The following C8orf34 variants were observed in gnomAD, a reference collection of about 807,000 sequenced individuals.
C8orf34 encodes the protein uncharacterized protein C8orf34.
In C8orf34, 65 loss-of-function variants were observed where a neutral mutation model predicts 68.3. The observed-to-expected ratio is 0.95, with a 90% CI of 0.78 to 1.17. The LOEUF is 1.17. Ranked by LOEUF, C8orf34 falls within the 50% of genes most tolerant of loss-of-function variation. The pLI is 0.00. For missense variants in C8orf34, 664 were observed against 655.4 expected (o/e 1.01, Z -0.14); for synonymous variants, 244 against 241.2 (o/e 1.01, Z -0.11).
intron 7 of C8orf34, among the ~76,000 whole-genome samples, chr8:68,538,357 T>C (rs947912641): frequency 2.0e-5 from 3 of 151,996 alleles, no homozygotes; most frequent in Non-Finnish European, 4.4e-5. Flanking sequence ...GCTAATATTG[T>C]CCCCTCAGGT....
At chr8:68,346,340 A>T (rs957723831) in intron 1 of C8orf34, among the ~76,000 whole-genome samples, 1 of 151,574 alleles carries the variant, frequency 6.6e-6, no homozygotes, top group Non-Finnish European at 1.5e-5. Context: ...GAAGCTACAG[A>T]AGTGTCTCAT....
chr8:68,464,444 A>T (rs1563460794), intron 3 of C8orf34, among the ~76,000 whole-genome samples: 1 of 151,748 alleles, frequency 6.6e-6, no homozygotes, highest in Non-Finnish European at 1.5e-5. Context: ...AATTGGAAAA[A>T]ACTACTTTAA....
At chr8:68,541,198 C>T (rs1039043555) in intron 7 of C8orf34, among the ~76,000 whole-genome samples, 2 of 152,094 alleles carry the variant, frequency 1.3e-5, no homozygotes, top group Non-Finnish European at 2.9e-5. Context: ...CATGCTGGCT[C>T]ACACCTGTAA....
chr8:68,496,797 C>A (rs1336927688), intron 5 of C8orf34, among the ~76,000 whole-genome samples: 4 of 152,158 alleles, frequency 2.6e-5, no homozygotes, highest in African/African-American at 7.2e-5. Flanking sequence ...CTATAACAAG[C>A]AGAGCATACT....
chr8:68,791,389 AC>A (rs1251846322), intron 12 of C8orf34: 1 of 155,890 alleles, frequency 6.4e-6, no homozygotes, highest in African/African-American at 2.4e-5. Context: ...CTCTTCTGAC[AC>A]ATGGGGATTA....
intron 7 of C8orf34, among the ~76,000 whole-genome samples, chr8:68,588,159 G>A (rs751830607): frequency 1.3e-5 from 2 of 152,006 alleles, no homozygotes; most frequent in Non-Finnish European, 2.9e-5. Context: ...AATTTTGAGC[G>A]CATTTAAGGG....
chr8:68,577,872 GA>G (rs1244635128), intron 7 of C8orf34, among the ~76,000 whole-genome samples: 2 of 151,194 alleles, frequency 1.3e-5, no homozygotes, highest in African/African-American at 4.9e-5. Context: ...GAAATTTAAA[GA>G]AAATATTTAG....
chr8:68,574,169 T>C lies in C8orf34; in HGVS notation c.1105+41020T>C, dbSNP rs548465590. 1.1e-4 allele frequency among the ~76,000 whole-genome samples: 16 copies of C among 152,236 alleles called. 1 individual carries two copies. Among genetic ancestry groups the C allele is most frequent in the African/African-American group, 3.8e-4 (16 of 41,566 alleles). On this transcript the variant is annotated intron_variant, in intron 7 of 13. Transcript: ENST00000518698. Reference sequence around the variant, plus strand: ...TTTTGACTCAATTTTTTAATAATATTAGCTGCTATTTCAACATCTGTATAC... The same window carrying C: ...TTTTGACTCAATTTTTTAATAATATCAGCTGCTATTTCAACATCTGTATAC...
chr8:68,679,445 G>A (rs965059744), intron 8 of C8orf34, among the ~76,000 whole-genome samples: 2 of 151,920 alleles, frequency 1.3e-5, no homozygotes, highest in Non-Finnish European at 2.9e-5. Flanking sequence ...AAATGGAAAG[G>A]TATTCCATAT....
At chr8:68,389,650 T>C (rs897470769) in intron 1 of C8orf34, among the ~76,000 whole-genome samples, 5 of 152,136 alleles carry the variant, frequency 3.3e-5, no homozygotes, top group Admixed American at 1.3e-4. Context: ...AAATTGTTGC[T>C]TAGGAACTCA....
chr8:68,632,609 A>T (rs1455148805), intron 7 of C8orf34, among the ~76,000 whole-genome samples: 2 of 152,162 alleles, frequency 1.3e-5, no homozygotes, highest in Non-Finnish European at 2.9e-5. Context: ...AGATCTTCAC[A>T]GCAGCCCCTC....
intron 11 of C8orf34, among the ~76,000 whole-genome samples, chr8:68,781,441 G>C (rs570601736): frequency 2.0e-4 from 31 of 152,248 alleles, no homozygotes; most frequent in Non-Finnish European, 4.0e-4. Context: ...GAATGAATAG[G>C]ATTTCTTCTA....
intron 5 of C8orf34, among the ~76,000 whole-genome samples, chr8:68,520,607 C>T (rs1325281473): frequency 2.7e-5 from 4 of 148,868 alleles, no homozygotes; most frequent in Admixed American, 6.6e-5. Context: ...CCCGCCATCA[C>T]GCCCGGCTAA....
intron 5 of C8orf34, among the ~76,000 whole-genome samples, chr8:68,507,661 A>G (rs1304151868): frequency 6.6e-6 from 1 of 152,158 alleles, no homozygotes; most frequent in Non-Finnish European, 1.5e-5. Context: ...ATTGGAAAAT[A>G]TGCCTTTGAG....
In C8orf34 at chr8:68,770,321, A is replaced by G. The variant is rs188288038; in HGVS notation, c.1405-6078A>G. On this transcript the variant is annotated intron_variant, in intron 10 of 13. Transcript: ENST00000518698. ...ATTTGCTGTGTTAACACATTAAAGC[A>G]TTTTAGAAAGAATGAATGAATACTA... Among the ~76,000 whole-genome samples, 697 of 152,370 alleles carry G rather than the reference A, an allele frequency of 4.6e-3. 5 individuals are homozygous for G. Among genetic ancestry groups the G allele is most frequent in the Non-Finnish European group, 7.0e-3 (476 of 68,038 alleles).
intron 4 of C8orf34, among the ~76,000 whole-genome samples, chr8:68,469,329 T>A (rs1427808045): frequency 3.9e-5 from 6 of 152,016 alleles, no homozygotes; most frequent in African/African-American, 1.4e-4. Context: ...GTTATGGTTT[T>A]TCTCTGCCAT....
chr8:68,749,033 T>TA (rs1414090544), intron 10 of C8orf34, among the ~76,000 whole-genome samples: 1 of 152,006 alleles, frequency 6.6e-6, no homozygotes, highest in African/African-American at 2.4e-5. Flanking sequence ...GTGGCACATA[T>TA]ACACCATGGA....
intron 6 of C8orf34, among the ~76,000 whole-genome samples, chr8:68,527,764 A>G (rs1448617000): frequency 1.3e-5 from 2 of 152,146 alleles, no homozygotes; most frequent in Non-Finnish European, 1.5e-5. Context: ...TTTAGGTTCA[A>G]ATCTGGGAAA....
chr8:68,597,575 G>GGGGT (rs1817580643), intron 7 of C8orf34, among the ~76,000 whole-genome samples: 1 of 150,066 alleles, frequency 6.7e-6, no homozygotes, highest in African/African-American at 2.4e-5. Context: ...ACATTGTGGT[G>GGGGT]GTGTGTGTGT....
Sources: gnomAD v4.1 joint callset for allele counts (sites outside exome capture counted in the v4.1 genomes callset) on GRCh38, gnomAD v4.1.1 for gene constraint, MANE v1.5 for transcripts, NCBI Gene and HGNC (gene_info 2026-07-23, HGNC 2026-07-21) for gene names.